The following BACH2 variants were observed in gnomAD, a reference collection of about 807,000 sequenced individuals.
The protein encoded by BACH2 is transcription regulator protein BACH2.
A neutral mutation model predicts 61.8 loss-of-function variants in BACH2; 5 were observed. The observed-to-expected ratio is 0.08, with a 90% CI of 0.04 to 0.17. The LOEUF (loss-of-function observed/expected upper bound fraction) is 0.17. Among genes scored for constraint, BACH2 ranks in the 10% least tolerant of loss-of-function variants. The pLI is 1.00. For missense variants in BACH2, 824 were observed against 1,091.1 expected (o/e 0.76, Z 3.45); for synonymous variants, 446 against 440.1 (o/e 1.01, Z -0.17).
chr6:90,253,328 G>C (rs986072415), intron 2 of BACH2, among the ~76,000 whole-genome samples: 5 of 152,176 alleles, frequency 3.3e-5, no homozygotes, highest in African/African-American at 1.2e-4. Flanking sequence ...AAAAAGGAGT[G>C]AGATCAGAAT....
intron 6 of BACH2, among the ~76,000 whole-genome samples, chr6:89,972,370 G>A (rs1775414607): frequency 6.6e-6 from 1 of 152,154 alleles, no homozygotes. Flanking sequence ...AGACAGATGA[G>A]AGAGGCCATT....
rs570488045 is a variant in BACH2 at position 90,213,752 on chromosome 6, C to T, written c.-274-7071G>A. ...GTACCCAAATACCCAGCACCTATCC[C>T]GCTGCCTTACATACATACAGTAGGC... is the stretch of plus-strand genomic sequence containing the variant. On this transcript the variant is annotated intron_variant, in intron 3 of 8. Coordinates refer to ENST00000257749, the MANE Select transcript of BACH2 (RefSeq NM_021813.4). Among the ~76,000 whole-genome samples, 4 of 152,274 alleles carry T rather than the reference C, an allele frequency of 2.6e-5. No individual in the cohort carries two copies. In the South Asian group the frequency reaches 8.3e-4, roughly 32 times the overall value.
At chr6:90,096,648 G>A (rs1456256799) in intron 4 of BACH2, among the ~76,000 whole-genome samples, 1 of 152,198 alleles carries the variant, frequency 6.6e-6, no homozygotes, top group Non-Finnish European at 1.5e-5. Context: ...GGAACCAGAG[G>A]AGAGACATTG....
chr6:90,216,574 A>G (rs1469485162), intron 3 of BACH2, among the ~76,000 whole-genome samples: 1 of 152,242 alleles, frequency 6.6e-6, no homozygotes, highest in African/African-American at 2.4e-5. Context: ...TGTTCTGCAT[A>G]ACCATACTCA....
At chr6:90,225,008 T>C (rs537069139) in intron 3 of BACH2, among the ~76,000 whole-genome samples, 16 of 152,136 alleles carry the variant, frequency 1.1e-4, no homozygotes, top group Non-Finnish European at 2.2e-4. Context: ...ATTAATTCAT[T>C]CAACAATTTA....
At chr6:90,080,205 A>G (rs1332374892) in intron 5 of BACH2, among the ~76,000 whole-genome samples, 1 of 152,204 alleles carries the variant, frequency 6.6e-6, no homozygotes, top group Non-Finnish European at 1.5e-5. Flanking sequence ...TATCAGAAAT[A>G]TAAACATTTC....
chr6:90,188,822 A>T (rs529825342), intron 4 of BACH2, among the ~76,000 whole-genome samples: 1 of 151,134 alleles, frequency 6.6e-6, no homozygotes, highest in Admixed American at 6.6e-5. Flanking sequence ...CATTGGATTA[A>T]AAAAAAATAA....
chr6:90,092,315 T>TATATATATATACACAC (rs142761642), intron 4 of BACH2, among the ~76,000 whole-genome samples: 1 of 112,476 alleles, frequency 8.9e-6, no homozygotes, highest in African/African-American at 3.6e-5. Context: ...TATATATATA[T>TATATATATATACACAC]ACACACACAC....
At chr6:89,959,490 T>C (rs1013135584) in intron 6 of BACH2, among the ~76,000 whole-genome samples, 7 of 144,324 alleles carry the variant, frequency 4.9e-5, no homozygotes, top group Non-Finnish European at 1.1e-4. Flanking sequence ...GAAATGTACT[T>C]GTAGTTTTTT....
At chr6:89,981,133 CT>C (rs35955706) in intron 6 of BACH2, among the ~76,000 whole-genome samples, 13,080 of 138,826 alleles carry the variant, frequency 0.094, 644 homozygotes, top group African/African-American at 0.15. Flanking sequence ...TCGTGATTCG[CT>C]TTTTTTTTTT....
Position 89,951,147 on chromosome 6 carries a change from G to A in BACH2, c.959C>T (p.Pro320Leu), listed in dbSNP as rs762984505. The change falls in exon 7 of 9, where the codon CCC (proline) becomes CTC (leucine). Residue 320 changes from proline to leucine, a missense_variant. Around this residue, in one of 8 missense-constraint regions of BACH2, gnomAD observed 226 missense variants for 228.5 expected, o/e 0.99. Transcript: ENST00000257749. This position sits in a 1 kb window ranked among gnomAD's most constrained non-coding sequence, Gnocchi z 6.4. The part of the protein sequence containing the change: ...DRKQPSPAPT[P>L]TAPAGAACLE... ...GCAGGCGGCCCCAGCTGGGGCCGTG[G>A]GGGTAGGGGCAGGGCTGGGCTGTTT... 1 of 1,612,552 alleles carries A rather than the reference G, an allele frequency of 6.2e-7. No individual in the cohort carries two copies. The highest frequency in any genetic ancestry group is 8.5e-7 in the Non-Finnish European group (1 of 1,179,570).
At chr6:90,207,458 A>G (rs1050501063) in intron 3 of BACH2, among the ~76,000 whole-genome samples, 10 of 152,192 alleles carry the variant, frequency 6.6e-5, no homozygotes, top group Non-Finnish European at 1.3e-4. Context: ...ATATTTTAAA[A>G]ATGACTTCAA....
rs116211393 is a variant in BACH2, at chr6:90,103,325, C to T, written c.-161-14216G>A. 5.7e-3 allele frequency among the ~76,000 whole-genome samples: 868 copies of T among 152,054 alleles called. 13 individuals carry two copies. The highest frequency in any genetic ancestry group is 0.02 in the African/African-American group (808 of 41,430). ...TGCTGTGTGGAAGACCTTGTCCCTCCTCCCAGGCACCAAGATCCCAGGGAG... is the reference window on the plus strand; with the variant it reads ...TGCTGTGTGGAAGACCTTGTCCCTCTTCCCAGGCACCAAGATCCCAGGGAG... On this transcript the variant is annotated intron_variant, in intron 4 of 8. Transcript: ENST00000257749.
At chr6:90,137,325 A>G (rs1349546372) in intron 4 of BACH2, among the ~76,000 whole-genome samples, 1 of 152,148 alleles carries the variant, frequency 6.6e-6, no homozygotes, top group African/African-American at 2.4e-5. Context: ...CCTAAACAGA[A>G]CTTTCAGATG....
Position 90,008,194 on chromosome 6 carries a change from AAGAAGGTGC to A in BACH2, c.243+399_243+407del. ...GTTGCTTTTATTTTTCCCCCAAGCA[AAGAAGGTGC>A]TGTGAATGCTTTCGATCTTTTACTC... On this transcript the variant is annotated intron_variant, in intron 6 of 8. Transcript: ENST00000257749. This position sits in a 1 kb window ranked among gnomAD's most constrained non-coding sequence, Gnocchi z 4.1. 1 of 171,156 alleles carries A rather than the reference AAGAAGGTGC, an allele frequency of 5.8e-6. No homozygotes were observed. 10.6% of individuals were successfully genotyped at this position (171,156 alleles called of 1,614,324 possible).
intron 4 of BACH2, among the ~76,000 whole-genome samples, chr6:90,121,892 A>G (rs1321225507): frequency 6.6e-6 from 1 of 152,056 alleles, no homozygotes; most frequent in African/African-American, 2.4e-5. Context: ...AAATATTTTT[A>G]CTCATGTGTT....
chr6:90,129,184 G>A (rs951409756), intron 4 of BACH2, among the ~76,000 whole-genome samples: 5 of 152,196 alleles, frequency 3.3e-5, no homozygotes, highest in South Asian at 2.1e-4. Context: ...AAACCTGCAC[G>A]TTGCGCACAT....
At chr6:90,089,150 A>T (rs1782054370) in intron 4 of BACH2, 41 bp from the exon 5 acceptor site, 1 of 152,178 alleles carries the variant, frequency 6.6e-6, no homozygotes, top group Admixed American at 6.6e-5. Flanking sequence ...AGATGAAAGT[A>T]TGCATGTGAA....
intron 5 of BACH2, among the ~76,000 whole-genome samples, chr6:90,044,113 TTCCATTGGAG>T (rs1463018227): frequency 6.6e-6 from 1 of 152,182 alleles, no homozygotes; most frequent in Non-Finnish European, 1.5e-5. Context: ...GGAGCCTTCA[TTCCATTGGAG>T]AAAAGGGCAA....
Sources: gnomAD v4.1 joint callset for allele counts (sites outside exome capture counted in the v4.1 genomes callset) on GRCh38, gnomAD v4.1.1 for gene constraint, gnomAD v4.1.1 regional missense constraint, Gnocchi (gnomAD v3.1) non-coding constraint, MANE v1.5 for transcripts, NCBI Gene and HGNC (gene_info 2026-07-23, HGNC 2026-07-21) for gene names.